MTMR10: variants seen among roughly 807,000 people sequenced by gnomAD.
MTMR10 encodes the protein myotubularin related protein 10, also known as myotubularin-related protein 10.
Under a neutral mutation model 88.1 loss-of-function variants are expected in MTMR10, and 56 were observed. That is an observed-to-expected ratio of 0.64 (90% confidence interval 0.51 to 0.79). The LOEUF (loss-of-function observed/expected upper bound fraction) is 0.79, where lower values mean the gene tolerates loss of function less well. Among genes scored for constraint, MTMR10 ranks in the 30% least tolerant of loss-of-function variants. MTMR10 has a pLI of 0.00. For missense variants in MTMR10, 883 were observed against 924.7 expected, an observed-to-expected ratio of 0.95 and a Z score of 0.58; for synonymous variants, 380 against 340.9, an observed-to-expected ratio of 1.11 and a Z score of -1.26.
chr15:30,921,846 C>G, the MTMR10 span, among the ~76,000 whole-genome samples: 1 of 152,214 alleles, frequency 6.6e-6, no homozygotes, highest in Non-Finnish European at 1.5e-5. Flanking sequence ...CCAAATCCCT[C>G]TTGCAGTTGG....
At chr15:30,968,560 C>CACACACAT in intron 5 of MTMR10, among the ~76,000 whole-genome samples, 1 of 151,620 alleles carries the variant, frequency 6.6e-6, no homozygotes, top group Admixed American at 6.6e-5. Flanking sequence ...CACACACACA[C>CACACACAT]ACACACACAC....
In MTMR10 at chr15:30,943,608, C is replaced by G. The variant is rs1039988002; in HGVS notation, c.1549-536G>C. The G allele has an allele frequency of 1.0e-5, 10 of 985,306 alleles. No homozygotes were observed. In the African/African-American group the frequency reaches 1.7e-4, roughly 17 times the overall value. The allele number at this position is 985,306 out of a possible 1,614,324, so 61.0% of individuals were successfully genotyped here. A position where few individuals can be genotyped will look rare whatever the true frequency, so the allele number is the denominator to read the frequency against. On this transcript the variant is annotated intron_variant, in intron 14 of 15. Coordinates refer to ENST00000435680, the MANE Select transcript of MTMR10 (RefSeq NM_017762.3). ...CAGGGTAGGAAGGAAGGGATCAACT[C>G]CCTGTGGTCCTAGCATGTGGCTAAA...
downstream of MTMR10, among the ~76,000 whole-genome samples, chr15:30,934,108 G>C (rs567637769): frequency 2.0e-5 from 3 of 152,178 alleles, no homozygotes; most frequent in South Asian, 6.2e-4. Context: ...GTTATAAGAC[G>C]CATAGACTTT....
the MTMR10 span, chr15:30,926,597 A>G: frequency 1.0e-6 from 1 of 984,262 alleles, no homozygotes; most frequent in Non-Finnish European, 1.2e-6. Context: ...TAATATCTTT[A>G]TTACTTACAG....
At chr15:30,989,175 T>A (rs1383209220) in intron 2 of MTMR10, among the ~76,000 whole-genome samples, 1 of 152,066 alleles carries the variant, frequency 6.6e-6, no homozygotes, top group Non-Finnish European at 1.5e-5. Flanking sequence ...AGGCACTCAT[T>A]CAAGATGAGT....
Position 30,939,528 on chromosome 15 carries a change from A to AG in MTMR10, c.*1941dup. ...AATAATCATGATATAACAACTGTCC[A>AG]GCAAAAATAAAAGTATTTTACATTT... On this transcript the variant is annotated 3_prime_UTR_variant, in exon 16 of 16. Coordinates refer to ENST00000435680, the MANE Select transcript of MTMR10 (RefSeq NM_017762.3). 1 of 978,832 alleles carries AG rather than the reference A, an allele frequency of 1.0e-6. No individual in the cohort carries two copies. The highest frequency in any genetic ancestry group is 1.2e-6 in the Non-Finnish European group (1 of 823,968). The allele number at this position is 978,832 out of a possible 1,614,324, so 60.6% of individuals were successfully genotyped here. A position where few individuals can be genotyped will look rare whatever the true frequency, so the allele number is the denominator to read the frequency against.
At position 30,955,461 on chromosome 15, in the gene MTMR10, G is replaced by A. The variant is rs149433292; in HGVS notation, c.936-568C>T. 8.6e-4 allele frequency among the ~76,000 whole-genome samples: 131 copies of A among 152,212 alleles called. No individual in the cohort carries two copies. In the East Asian group the frequency reaches 9.7e-3, roughly 11 times the overall value. On this transcript the variant is annotated intron_variant, in intron 9 of 15. Coordinates refer to ENST00000435680, the MANE Select transcript of MTMR10 (RefSeq NM_017762.3). ...AAATTTCTGTATTTTTAGTAGAGGC[G>A]GGGTTTCACCATGTTGGCCAGGCTG...
At chr15:30,955,005 G>A in intron 9 of MTMR10, 112 bp from the exon 10 acceptor site, 1 of 900,522 alleles carries the variant, frequency 1.1e-6, no homozygotes, top group Non-Finnish European at 1.5e-6. Context: ...TAAGGTCTCT[G>A]CCTTCATGGA....
rs757129114 is a variant in MTMR10 at position 30,947,136 on chromosome 15, T to C, written c.1542A>G (p.Gln514=). ...LFNSPHQRVK[Q]STEFAISKNI... ...CAGCCACAGGGTTGCTTACCGTGCT[T>C]TGCTTCACTCGCTGGTGAGGGGAGT... is the stretch of plus-strand genomic sequence containing the variant. Residue 514 remains glutamine, a synonymous_variant, in exon 14 of 16, where the codon CAA becomes CAG. Transcript: ENST00000435680. 5 of 1,604,180 alleles carry C rather than the reference T, an allele frequency of 3.1e-6. No individual in the cohort carries two copies. Among genetic ancestry groups the C allele is most frequent in the Non-Finnish European group, 4.3e-6 (5 of 1,176,232 alleles).
chr15:30,932,794 C>G, the MTMR10 span, among the ~76,000 whole-genome samples: 1 of 148,704 alleles, frequency 6.7e-6, no homozygotes, highest in South Asian at 2.2e-4. Context: ...CTCACTGCAA[C>G]TTCCGCCTCC....
At chr15:30,990,679 G>T in intron 2 of MTMR10, 98 bp downstream of exon 2, 1 of 995,702 alleles carries the variant, frequency 1.0e-6, no homozygotes, top group Non-Finnish European at 1.5e-6. Flanking sequence ...AAAGTTTAAT[G>T]AGAGAAGGGA....
At chr15:30,951,846 G>A in intron 12 of MTMR10, 122 bp downstream of exon 12, 1 of 802,184 alleles carries the variant, frequency 1.2e-6, no homozygotes, top group Non-Finnish European at 2.1e-6. Context: ...TAATGTATTT[G>A]ATGGTACTGT....
intron 14 of MTMR10, 170 bp from the exon 15 acceptor site, chr15:30,943,242 C>A: frequency 1.0e-5 from 14 of 1,372,874 alleles, no homozygotes; most frequent in Non-Finnish European, 1.3e-5. Context: ...GGCCTTTGAG[C>A]TCAGAGGGCC....
intron 15 of MTMR10, 24 bp from the exon 16 acceptor site, chr15:30,942,096 G>A (rs1170836676): frequency 6.3e-7 from 1 of 1,585,794 alleles, no homozygotes; most frequent in Admixed American, 1.8e-5. Flanking sequence ...ATTTTATTAT[G>A]TTCCGGGGAT....
rs900290856 is a variant in MTMR10, at chr15:30,939,022, T to G, written c.*2448A>C. On this transcript the variant is annotated 3_prime_UTR_variant, in exon 16 of 16. Coordinates refer to ENST00000435680, the MANE Select transcript of MTMR10 (RefSeq NM_017762.3). ...TTGAACAACAAGATAACACATCTTC[T>G]TGCTCATCCCACTTGAACTCAAGTC... 10 of 985,276 alleles carry G rather than the reference T, an allele frequency of 1.0e-5. No individual in the cohort carries two copies. The highest frequency in any genetic ancestry group is 1.2e-5 in the Non-Finnish European group (10 of 829,892). The allele number at this position is 985,276 out of a possible 1,614,324, so 61.0% of individuals were successfully genotyped here.
the MTMR10 span, chr15:30,928,201 G>A: frequency 2.9e-6 from 3 of 1,032,068 alleles, no homozygotes; most frequent in African/African-American, 5.2e-5. Flanking sequence ...GCCCTGCTAA[G>A]TCCCAGCCTT....
intron 5 of MTMR10, among the ~76,000 whole-genome samples, chr15:30,969,374 A>G (rs1214377420): frequency 1.3e-5 from 2 of 152,122 alleles, no homozygotes; most frequent in African/African-American, 4.8e-5. Flanking sequence ...GGTTATCTAT[A>G]TTCCCATTCC....
chr15:30,930,528 G>C, the MTMR10 span: 1 of 1,583,194 alleles, frequency 6.3e-7, no homozygotes, highest in Non-Finnish European at 8.5e-7. Flanking sequence ...TAACTGTCCT[G>C]TGTTTTGTGT....
intron 9 of MTMR10, 76 bp downstream of exon 9, chr15:30,958,787 T>C (rs1313784179): frequency 4.4e-5 from 64 of 1,469,514 alleles, no homozygotes; most frequent in Non-Finnish European, 5.9e-5. Context: ...TTTGTTATTT[T>C]CAATTAGTAG....
Sources: gnomAD v4.1 joint callset for allele counts (sites outside exome capture counted in the v4.1 genomes callset) on GRCh38, gnomAD v4.1.1 for gene constraint, MANE v1.5 for transcripts, NCBI Gene and HGNC (gene_info 2026-07-23, HGNC 2026-07-21) for gene names.